METTL3: variants seen among roughly 807,000 people sequenced by gnomAD.
METTL3 encodes N(6)-adenosine-methyltransferase catalytic subunit METTL3.
In METTL3, 42 loss-of-function variants were observed where a neutral mutation model predicts 64.3. The observed-to-expected ratio is 0.65, with a 90% CI of 0.51 to 0.84. METTL3 has a LOEUF of 0.84. Ranked by LOEUF, METTL3 falls within the 40% of genes least tolerant of loss-of-function variation. METTL3 has a pLI of 0.00. For synonymous variants in METTL3, 256 were observed against 263.6 expected (o/e 0.97, Z 0.28); for missense variants, 435 against 722.3 (o/e 0.60, Z 4.56).
At chr14:21,501,990 T>C in intron 3 of METTL3, 87 bp from the exon 4 acceptor site, 1 of 1,125,698 alleles carries the variant, frequency 8.9e-7, no homozygotes, top group Non-Finnish European at 1.3e-6. Flanking sequence ...TTGACATTAA[T>C]GTCTTCTAAG....
chr14:21,504,654 G>A (rs765512357), intron 1 of METTL3: 5 of 152,196 alleles, frequency 3.3e-5, no homozygotes, highest in Non-Finnish European at 5.9e-5. Flanking sequence ...ATTCTGGTAA[G>A]GCACTGGGGC....
intron 1 of METTL3, 102 bp downstream of exon 1, chr14:21,511,022 A>C: frequency 7.4e-7 from 1 of 1,360,332 alleles, no homozygotes; most frequent in Non-Finnish European, 9.9e-7. Context: ...GGCTTTATAG[A>C]AATGGCCGTT....
chr14:21,511,073 C>A, intron 1 of METTL3, 51 bp downstream of exon 1: 1 of 1,593,162 alleles, frequency 6.3e-7, no homozygotes, highest in Non-Finnish European at 8.5e-7. Context: ...CTCTAGGGAT[C>A]CCGCCCGTCC....
chr14:21,500,495 C>T lies in METTL3; in HGVS notation c.1304G>A (p.Arg435Lys), dbSNP rs776563361. Residue 435 changes from arginine to lysine, a missense_variant and splice_region_variant, in exon 6 of 11, where the codon AGG becomes AAG. By Grantham distance (26) the Arg-to-Lys change is conservative (BLOSUM62 2). Around this residue, in one of 9 missense-constraint regions of METTL3, gnomAD observed 36 missense variants for 73.0 expected, o/e 0.49. Coordinates refer to ENST00000298717, the MANE Select transcript of METTL3 (RefSeq NM_019852.5). Reference sequence around the variant, plus strand: ...TACCTACGTAACTGAATTGCATTACCTGCCTGTGACCCAGAGGAAGAGAAA... The same window carrying T: ...TACCTACGTAACTGAATTGCATTACTTGCCTGTGACCCAGAGGAAGAGAAA... Reference protein sequence around the residue: ...DGFLFLWVTGRAMELGRECLN... With the variant: ...DGFLFLWVTGKAMELGRECLN... 11 of 1,614,090 alleles carry T rather than the reference C, an allele frequency of 6.8e-6. No individual in the cohort carries two copies. The highest frequency in any genetic ancestry group is 8.5e-6 in the Non-Finnish European group (10 of 1,179,988).
intron 3 of METTL3, 99 bp downstream of exon 3, chr14:21,503,074 A>G (rs1356849868): frequency 2.3e-6 from 3 of 1,308,916 alleles, no homozygotes; most frequent in Non-Finnish European, 3.1e-6. Context: ...CCAGTTGAGA[A>G]CCACTGCTGT....
In METTL3 at chr14:21,502,966, C is replaced by T. The variant is rs1293385685; in HGVS notation, c.723+207G>A. ...TGTTTGACAACATCCCTGGCCTCTA[C>T]CCCCACTAGATGCCAATAGCACTCC... On this transcript the variant is annotated intron_variant, in intron 3 of 10. Coordinates refer to ENST00000298717, the MANE Select transcript of METTL3 (RefSeq NM_019852.5). 9 of 581,728 alleles carry T rather than the reference C, an allele frequency of 1.5e-5. No homozygotes were observed. The East Asian group carries it at 2.5e-4, about 16-fold the overall frequency. The allele number at this position is 581,728 out of a possible 1,614,324, so 36.0% of individuals were successfully genotyped here. A position where few individuals can be genotyped will look rare whatever the true frequency, so the allele number is the denominator to read the frequency against.
rs1566492426 is a variant in METTL3, at chr14:21,501,868, TGTA to T, written c.756_758del (p.Thr254del). 2 of 1,614,200 alleles carry T rather than the reference TGTA, an allele frequency of 1.2e-6. No homozygotes were observed. ...CAACAATGGATTGTTCCTTGGCTGT[TGTA>T]GTATTTAATAGCTCTAGGATCTCCT... On this transcript the variant is annotated inframe_deletion, in exon 4 of 11. Coordinates refer to ENST00000298717, the MANE Select transcript of METTL3 (RefSeq NM_019852.5).
intron 4 of METTL3, 175 bp from the exon 5 acceptor site, chr14:21,501,304 A>G: frequency 1.6e-6 from 1 of 609,588 alleles, no homozygotes; most frequent in Non-Finnish European, 2.9e-6. Context: ...TTCATACTAC[A>G]GAACAATTGT....
chr14:21,500,053 T>C (rs1158924527), intron 6 of METTL3, among the ~76,000 whole-genome samples: 1 of 152,036 alleles, frequency 6.6e-6, no homozygotes, highest in Non-Finnish European at 1.5e-5. Flanking sequence ...TAAACAGGCA[T>C]TAGGACTCAG....
At position 21,500,894 on chromosome 14, in the gene METTL3, T is replaced by A. The variant is rs1477277148; in HGVS notation, c.1116+19A>T. ...CATAAGTCCGTAAGTTGAGACGAGT[T>A]TTCTGAGCAGACAGGTACCTGAGGT... On this transcript the variant is annotated intron_variant, in intron 5 of 10. Coordinates refer to ENST00000298717, the MANE Select transcript of METTL3 (RefSeq NM_019852.5). The A allele has an allele frequency of 1.2e-6, 2 of 1,607,176 alleles. No individual in the cohort carries two copies. The highest frequency in any genetic ancestry group is 1.7e-6 in the Non-Finnish European group (2 of 1,175,346).
chr14:21,507,716 G>A (rs1891732988), intron 1 of METTL3: 1 of 152,132 alleles, frequency 6.6e-6, no homozygotes, highest in Non-Finnish European at 1.5e-5. Flanking sequence ...CAAGTCTTGA[G>A]TTATATCTTA....
At chr14:21,510,857 G>A (rs1041879478) in intron 1 of METTL3, 2 of 442,750 alleles carry the variant, frequency 4.5e-6, no homozygotes, top group African/African-American at 4.1e-5. Context: ...GCAGTCTGAA[G>A]AGGAGTGGGC....
Position 21,503,561 on chromosome 14 carries a change from G to A in METTL3, c.335C>T (p.Thr112Ile). The A allele has an allele frequency of 6.2e-7, 1 of 1,612,860 alleles. No homozygotes were observed. The highest frequency in any genetic ancestry group is 1.3e-5 in the African/African-American group (1 of 75,050). ...LAISTPDAPA[T>I]QDGVESLLQK... ...CAGGAGGCTTTCTACCCCATCTTGAGTGGCAGGAGCATCTGGCTAGAGAAC... is the reference window on the plus strand; with the variant it reads ...CAGGAGGCTTTCTACCCCATCTTGAATGGCAGGAGCATCTGGCTAGAGAAC... The change falls in exon 3 of 11, where the codon ACT becomes ATT. Residue 112 changes from threonine to isoleucine, a missense_variant. Thr to Ile is a moderately conservative substitution (Grantham distance 89, BLOSUM62 -1). Coordinates refer to ENST00000298717, the MANE Select transcript of METTL3 (RefSeq NM_019852.5).
chr14:21,500,350 TGA>T, intron 6 of METTL3, 143 bp downstream of exon 6: 1 of 750,562 alleles, frequency 1.3e-6, no homozygotes, highest in Non-Finnish European at 2.1e-6. Context: ...AGCAACACAG[TGA>T]GACTCTCTCA....
chr14:21,503,085 A>G, intron 3 of METTL3, 88 bp downstream of exon 3: 1 of 1,405,556 alleles, frequency 7.1e-7, no homozygotes, highest in Non-Finnish European at 9.6e-7. Flanking sequence ...CCACTGCTGT[A>G]AACAGTTCCT....
chr14:21,505,562 G>A (rs1339303545), intron 1 of METTL3, among the ~76,000 whole-genome samples: 1 of 152,116 alleles, frequency 6.6e-6, no homozygotes, highest in Admixed American at 6.6e-5. Context: ...GGGAGCTTAT[G>A]TTTAATGTGG....
At position 21,503,309 on chromosome 14, in the gene METTL3, G is replaced by A; in HGVS notation, c.587C>T (p.Ser196Phe). 2 of 1,614,166 alleles carry A rather than the reference G, an allele frequency of 1.2e-6. No individual in the cohort carries two copies. The highest frequency in any genetic ancestry group is 1.7e-6 in the Non-Finnish European group (2 of 1,180,038). Reference sequence around the variant, plus strand: ...TTCCGATGCTGAAGAGTTCAGACCAGAGACTAACGAACTGGCAAAGGCAGC... The same window carrying A: ...TTCCGATGCTGAAGAGTTCAGACCAAAGACTAACGAACTGGCAAAGGCAGC... ...TVAAFASSLV[S>F]GLNSSASEPA... The change falls in exon 3 of 11, where the codon TCT becomes TTT. Residue 196 changes from serine (S) to phenylalanine (F), a missense_variant. By Grantham distance (155) the Ser-to-Phe change is radical (BLOSUM62 -2). Coordinates refer to ENST00000298717, the MANE Select transcript of METTL3 (RefSeq NM_019852.5).
rs139273938 is a variant in METTL3 at position 21,503,554 on chromosome 14, A to G, written c.342T>C (p.Asp114=). 2.4e-5 allele frequency: 38 copies of G among 1,612,694 alleles called. No individual in the cohort carries two copies. The African/African-American group carries it at 4.3e-4, about 18-fold the overall frequency. Residue 114 remains aspartate (D), a synonymous_variant, in exon 3 of 11, where the codon GAT becomes GAC. Transcript: ENST00000298717. ...ACTTCTGCAGGAGGCTTTCTACCCC[A>G]TCTTGAGTGGCAGGAGCATCTGGCT... ...ISTPDAPATQ[D]GVESLLQKFA... is the part of the protein sequence containing the mutation.
At chr14:21,499,713 C>T (rs764342669) in intron 7 of METTL3, 51 bp downstream of exon 7, 3 of 1,587,014 alleles carry the variant, frequency 1.9e-6, no homozygotes, top group Non-Finnish European at 2.6e-6. Flanking sequence ...GAACATGTAT[C>T]TCACTGTAAC....
Sources: gnomAD v4.1 joint callset for allele counts (sites outside exome capture counted in the v4.1 genomes callset) on GRCh38, gnomAD v4.1.1 for gene constraint, gnomAD v4.1.1 regional missense constraint, MANE v1.5 for transcripts, NCBI Gene and HGNC (gene_info 2026-07-23, HGNC 2026-07-21) for gene names.